Variants in NOTCH2 observed in about 807,000 individuals in gnomAD.
NOTCH2 encodes notch receptor 2.
A neutral mutation model predicts 235.8 loss-of-function variants in NOTCH2; 29 were observed. The observed-to-expected ratio is 0.12, with a 90% CI of 0.09 to 0.17. NOTCH2 has a LOEUF of 0.17. NOTCH2 is among the 10% of genes least tolerant of loss of function. The pLI, the probability that NOTCH2 is intolerant of heterozygous loss-of-function variation, is 1.00. For missense variants in NOTCH2, 2,285 were observed against 3,150.2 expected, an observed-to-expected ratio of 0.73 and a Z score of 6.57; for synonymous variants, 1,086 against 1,141.5, an observed-to-expected ratio of 0.95 and a Z score of 0.98.
intron 1 of NOTCH2, among the ~76,000 whole-genome samples, chr1:120,042,412 T>C (rs374501476): frequency 0.019 from 1,954 of 102,540 alleles, 5 homozygotes; most frequent in South Asian, 0.057. Context: ...CATTCTACTT[T>C]AGGGACATGG....
At chr1:119,922,169 C>T in intron 28 of NOTCH2, 67 bp downstream of exon 28, 1 of 1,504,266 alleles carries the variant, frequency 6.6e-7, no homozygotes, top group Admixed American at 1.7e-5. Context: ...CATGATTCAA[C>T]AAGATATGCT....
In NOTCH2 at chr1:119,937,948, T is replaced by A; in HGVS notation, c.3246A>T (p.Lys1082Asn). The A allele has an allele frequency of 6.2e-7, 1 of 1,614,152 alleles. No individual in the cohort carries two copies. The highest frequency in any genetic ancestry group is 1.1e-5 in the South Asian group (1 of 91,080). The part of the protein sequence containing the change: ...CKNKGTCVQK[K>N]AESQCLCPSG... ...ATGGACATAGGCACTGGGACTCTGC[T>A]TTTTTCTGAACGCAAGTACCTTTGT... Residue 1082 changes from lysine to asparagine, a missense_variant, in exon 20 of 34, where the codon AAA becomes AAT. By Grantham distance (94) the Lys-to-Asn change is moderately conservative (BLOSUM62 0). Coordinates refer to ENST00000256646, the MANE Select transcript of NOTCH2 (RefSeq NM_024408.4).
At chr1:119,935,343 T>C (rs1649810856) in intron 22 of NOTCH2, 129 bp downstream of exon 22, 1 of 1,604,300 alleles carries the variant, frequency 6.2e-7, no homozygotes, top group Non-Finnish European at 8.5e-7. Context: ...TACTAGGATG[T>C]AGAACTAAAT....
At position 119,915,507 on chromosome 1, in the gene NOTCH2, A is replaced by G. The variant is rs1413591583; in HGVS notation, c.7215T>C (p.Ser2405=). The G allele has an allele frequency of 1.9e-6, 3 of 1,613,982 alleles. No homozygotes were observed. Among genetic ancestry groups the G allele is most frequent in the Non-Finnish European group, 2.5e-6 (3 of 1,180,020 alleles). The change falls in exon 34 of 34, where the codon AGT becomes AGC. Residue 2405 remains serine (S), a synonymous_variant. Coordinates refer to ENST00000256646, the MANE Select transcript of NOTCH2 (RefSeq NM_024408.4). ...SNAAERTPSH[S]GHLQGEHPYL... Reference sequence around the variant, plus strand: ...AGGGATGCTCACCCTGGAGGTGACCACTGTGACTGGGTGTTCGCTCAGCAG... The same window carrying G: ...AGGGATGCTCACCCTGGAGGTGACCGCTGTGACTGGGTGTTCGCTCAGCAG...
At position 119,940,715 on chromosome 1, in the gene NOTCH2, G is replaced by C; in HGVS notation, c.3023C>G (p.Ser1008Cys). Residue 1008 changes from serine (S) to cysteine (C), a missense_variant, in exon 19 of 34, where the codon TCC becomes TGC. Ser to Cys is a moderately radical substitution (Grantham distance 112, BLOSUM62 -1). This residue lies in a region of NOTCH2 where 1,173 missense variants were observed against 1,515.3 expected (regional missense o/e 0.77). Coordinates refer to ENST00000256646, the MANE Select transcript of NOTCH2 (RefSeq NM_024408.4). ...NGGTCVDGINSFSCLCPVGFT... is the reference protein window; with the variant it reads ...NGGTCVDGINCFSCLCPVGFT... ...ACCCACAGGGCACAAGCAAGAGAAG[G>C]AGTTAATCCCATCAACACATGTGCC... 1 of 1,614,164 alleles carries C rather than the reference G, an allele frequency of 6.2e-7. No homozygotes were observed. The highest frequency in any genetic ancestry group is 8.5e-7 in the Non-Finnish European group (1 of 1,180,036).
intron 1 of NOTCH2, among the ~76,000 whole-genome samples, chr1:120,067,449 T>C (rs1479371436): frequency 6.6e-6 from 1 of 152,200 alleles, no homozygotes; most frequent in Non-Finnish European, 1.5e-5. Context: ...AGAAGCCCTA[T>C]GTGTCAGAGT....
At chr1:120,067,656 C>A (rs1553217334) in intron 1 of NOTCH2, among the ~76,000 whole-genome samples, 1 of 152,188 alleles carries the variant, frequency 6.6e-6, no homozygotes, top group East Asian at 1.9e-4. Flanking sequence ...TACCCTCAGA[C>A]TGTCTCATTG....
intron 5 of NOTCH2, among the ~76,000 whole-genome samples, chr1:119,973,525 C>T (rs587701841): frequency 6.6e-6 from 1 of 152,260 alleles, no homozygotes; most frequent in East Asian, 1.9e-4. Context: ...CCGGATTGAT[C>T]TGACTGCAAA....
At chr1:120,048,049 G>A (rs765247581) in intron 1 of NOTCH2, among the ~76,000 whole-genome samples, 9 of 151,958 alleles carry the variant, frequency 5.9e-5, no homozygotes, top group Non-Finnish European at 1.0e-4. Flanking sequence ...TAACAGGCAT[G>A]AGCCACCATG....
chr1:120,041,041 CAAAAAAAAAAAAAAA>C (rs71586698), intron 1 of NOTCH2, among the ~76,000 whole-genome samples: 9 of 15,660 alleles, frequency 5.7e-4, no homozygotes, highest in East Asian at 2.0e-3. Flanking sequence ...ACTCTGCCTG[CAAAAAAAAAAAAAAA>C]AAAAAAAAAA....
intron 2 of NOTCH2, among the ~76,000 whole-genome samples, chr1:120,025,360 C>T (rs1653801384): frequency 6.6e-6 from 1 of 152,008 alleles, no homozygotes; most frequent in Admixed American, 6.6e-5. Context: ...CACCTCAGGG[C>T]TTGGTAGGCC....
At chr1:120,033,534 T>C (rs1417793550) in intron 1 of NOTCH2, among the ~76,000 whole-genome samples, 1 of 148,402 alleles carries the variant, frequency 6.7e-6, no homozygotes. Flanking sequence ...GAGAACATTA[T>C]GCTAAGTGAA....
Position 119,925,526 on chromosome 1 carries a change from A to G in NOTCH2, c.4290T>C (p.Cys1430=), listed in dbSNP as rs766984334. 1.9e-6 allele frequency: 3 copies of G among 1,614,160 alleles called. No homozygotes were observed. In the South Asian group the frequency reaches 3.3e-5, roughly 18 times the overall value. ...TPPATCLSQY[C]ADKARDGVCD... is the part of the protein sequence containing the mutation. ...AGACGCCATCCCGAGCTTTGTCGGC[A>G]CAATACTGGCTCAGACAGGTGGCAG... Residue 1430 remains cysteine (C), a synonymous_variant, in exon 25 of 34, where the codon TGT becomes TGC. Transcript: ENST00000256646.
chr1:119,935,947 C>T (rs1311233963), intron 21 of NOTCH2, among the ~76,000 whole-genome samples: 6 of 152,140 alleles, frequency 3.9e-5, no homozygotes, highest in South Asian at 4.1e-4. Flanking sequence ...CACATTCCTC[C>T]GTATGTGATG....
intron 18 of NOTCH2, 35 bp downstream of exon 18, chr1:119,941,491 G>T (rs370094759): frequency 1.4e-6 from 2 of 1,459,610 alleles, no homozygotes; most frequent in Admixed American, 1.7e-5. Context: ...CCTTTCTCTC[G>T]TAAGATGCTG....
intron 17 of NOTCH2, among the ~76,000 whole-genome samples, chr1:119,946,796 T>G (rs951553790): frequency 6.6e-6 from 1 of 152,064 alleles, no homozygotes; most frequent in African/African-American, 2.4e-5. Flanking sequence ...TATTCTGTAT[T>G]TATTGAAGAT....
intron 10 of NOTCH2, 134 bp from the exon 11 acceptor site, chr1:119,963,941 G>A: frequency 1.3e-6 from 1 of 764,384 alleles, no homozygotes; most frequent in Admixed American, 2.0e-5. Flanking sequence ...TTGAGCAGTA[G>A]AAAACGACGA....
chr1:119,941,758 A>G lies in NOTCH2; in HGVS notation c.2753-4T>C. The G allele has an allele frequency of 1.2e-6, 2 of 1,606,332 alleles. No individual in the cohort carries two copies. Among genetic ancestry groups the G allele is most frequent in the Non-Finnish European group, 1.7e-6 (2 of 1,173,010 alleles). On this transcript the variant is annotated splice_polypyrimidine_tract_variant and splice_region_variant and intron_variant, in intron 17 of 33. Coordinates refer to ENST00000256646, the MANE Select transcript of NOTCH2 (RefSeq NM_024408.4). ...GAACCTCCATTCTGGCAAGGATCTA[A>G]GCCATTACAAAAGAATTAGACCTCT...
At position 119,915,721 on chromosome 1, in the gene NOTCH2, C is replaced by T. The variant is rs2101142257; in HGVS notation, c.7001G>A (p.Gly2334Asp). 2.1e-5 allele frequency: 33 copies of T among 1,607,974 alleles called. No homozygotes were observed. The highest frequency in any genetic ancestry group is 2.8e-5 in the Non-Finnish European group (33 of 1,176,120). The change falls in exon 34 of 34, where the codon GGC becomes GAC. Residue 2334 changes from glycine (G) to aspartate (D), a missense_variant. Gly to Asp is a moderately conservative substitution (Grantham distance 94). This residue lies in a region of NOTCH2 where 504 missense variants were observed against 538.0 expected (regional missense o/e 0.94). Transcript: ENST00000256646. ...PQSTCPPAVA[G>D]PLPTMYQIPE... is the part of the protein sequence containing the mutation. ...AATCTGGTACATGGTGGGCAGGGGG[C>T]CCGCAACAGCTGGAGGGCAGGTGGA...
Sources: allele counts gnomAD v4.1 joint callset (sites outside exome capture counted in the v4.1 genomes callset), GRCh38; gene constraint gnomAD v4.1.1; regional missense constraint gnomAD v4.1.1; transcripts MANE v1.5; gene names NCBI Gene and HGNC (gene_info 2026-07-23, HGNC 2026-07-21).